Variants in TMEM183A observed in about 807,000 individuals in gnomAD.
TMEM183A encodes the protein chromosome 1 open reading frame 37.
TMEM183A carries 21 observed loss-of-function variants against 46.7 expected under a neutral mutation model. That is an observed-to-expected ratio of 0.45 (90% CI 0.32 to 0.65). TMEM183A has a LOEUF of 0.65. Among genes scored for constraint, TMEM183A ranks in the 30% least tolerant of loss-of-function variants. TMEM183A has a pLI of 0.04. For missense variants in TMEM183A, 331 were observed against 481.9 expected, an observed-to-expected ratio of 0.69 and a Z score of 2.93; for synonymous variants, 165 against 180.2, an observed-to-expected ratio of 0.92 and a Z score of 0.68.
intron 3 of TMEM183A, among the ~76,000 whole-genome samples, chr1:203,012,848 G>C (rs1313372123): frequency 6.6e-6 from 1 of 152,206 alleles, no homozygotes; most frequent in African/African-American, 2.4e-5. Flanking sequence ...TTGCACCTCA[G>C]CCTCCTGAGT....
At chr1:203,022,776 T>C in intron 7 of TMEM183A, 79 bp from the exon 8 acceptor site, 2 of 1,588,922 alleles carry the variant, frequency 1.3e-6, no homozygotes, top group East Asian at 4.5e-5. Flanking sequence ...TAAATTAGTC[T>C]GGACTATTTC....
chr1:203,015,923 G>A, intron 4 of TMEM183A, 37 bp from the exon 5 acceptor site: 1 of 1,601,784 alleles, frequency 6.2e-7, no homozygotes, highest in African/African-American at 1.3e-5. Flanking sequence ...AGGAGAGACA[G>A]GTCACATATT....
At position 203,024,054 on chromosome 1, in the gene TMEM183A, G is replaced by A. The variant is rs976221628; in HGVS notation, c.*1014G>A. ...AAAACCAAGAAAGTTATTTCAGGAA[G>A]GATAGTGACCCTTTCCTTGAACTGT... On this transcript the variant is annotated 3_prime_UTR_variant, in exon 8 of 8. Coordinates refer to ENST00000367242, the MANE Select transcript of TMEM183A (RefSeq NM_138391.6). The A allele has an allele frequency of 2.6e-5, 4 of 152,300 alleles. No homozygotes were observed. In the South Asian group the frequency reaches 8.3e-4, roughly 32 times the overall value. The allele number at this position is 152,300 out of a possible 1,614,324, so 9.4% of individuals were successfully genotyped here.
chr1:203,017,442 C>T (rs1657270345), intron 5 of TMEM183A, among the ~76,000 whole-genome samples: 1 of 152,156 alleles, frequency 6.6e-6, no homozygotes, highest in African/African-American at 2.4e-5. Context: ...TTCTAAAATA[C>T]CCCTATCTTC....
intron 3 of TMEM183A, among the ~76,000 whole-genome samples, chr1:203,009,570 T>A (rs1656347591): frequency 6.6e-6 from 1 of 152,122 alleles, no homozygotes; most frequent in Non-Finnish European, 1.5e-5. Flanking sequence ...CAGCCTTGAC[T>A]TCCCAGGCTT....
Position 203,023,673 on chromosome 1 carries a change from G to T in TMEM183A, c.*633G>T, listed in dbSNP as rs1420648174. On this transcript the variant is annotated 3_prime_UTR_variant, in exon 8 of 8. Coordinates refer to ENST00000367242, the MANE Select transcript of TMEM183A (RefSeq NM_138391.6). ...ATGGTGATGATGACTTTATACCCTT[G>T]GTACTATACTAGGAACTTTACATAG... The T allele has an allele frequency of 6.6e-6, 1 of 152,606 alleles. No homozygotes were observed. The highest frequency in any genetic ancestry group is 1.9e-4 in the East Asian group (1 of 5,194). 9.5% of individuals were successfully genotyped at this position (152,606 alleles called of 1,614,324 possible).
intron 5 of TMEM183A, chr1:203,017,979 C>G (rs1456025883): frequency 4.1e-6 from 4 of 979,670 alleles, no homozygotes; most frequent in Non-Finnish European, 4.9e-6. Flanking sequence ...GGGGCTTATT[C>G]TAGACAGAAT....
At chr1:203,011,952 C>T (rs1183332491) in intron 3 of TMEM183A, among the ~76,000 whole-genome samples, 1 of 147,686 alleles carries the variant, frequency 6.8e-6, no homozygotes, top group Non-Finnish European at 1.5e-5. Flanking sequence ...TTTTTAAAAG[C>T]CTTTTTTTTA....
At chr1:203,017,658 C>T (rs1390575878) in intron 5 of TMEM183A, 82 of 827,928 alleles carry the variant, frequency 9.9e-5, no homozygotes, top group Non-Finnish European at 1.1e-4. Context: ...CCCATGATTG[C>T]GTGGCATTCA....
intron 2 of TMEM183A, among the ~76,000 whole-genome samples, chr1:203,008,415 G>T (rs1258793324): frequency 6.8e-6 from 1 of 146,904 alleles, no homozygotes; most frequent in Non-Finnish European, 1.5e-5. Context: ...GAAAAAAGGA[G>T]TTTCTGCAAC....
chr1:203,013,988 C>G lies in TMEM183A; in HGVS notation c.368-901C>G, dbSNP rs1054294310. Among the ~76,000 whole-genome samples the G allele has an allele frequency of 6.6e-6, 1 of 152,080 alleles. No individual in the cohort carries two copies. Among genetic ancestry groups the G allele is most frequent in the African/African-American group, 2.4e-5 (1 of 41,412 alleles). On this transcript the variant is annotated intron_variant, in intron 3 of 7. Transcript: ENST00000367242. The surrounding 1 kb of genome is among the most constrained non-coding windows in gnomAD (Gnocchi z 4.0). ...CAGGATGGTCTCGATCTCTTGACCT[C>G]GTGATCTGCCTGCCTTGGCCTCCCA...
intron 3 of TMEM183A, among the ~76,000 whole-genome samples, chr1:203,009,135 T>G (rs986369845): frequency 6.6e-6 from 1 of 152,202 alleles, no homozygotes; most frequent in African/African-American, 2.4e-5. Context: ...ATAAAAGGCC[T>G]TTGCATTTCT....
intron 5 of TMEM183A, among the ~76,000 whole-genome samples, chr1:203,018,242 G>C (rs993958151): frequency 6.6e-6 from 1 of 152,154 alleles, no homozygotes; most frequent in Non-Finnish European, 1.5e-5. Flanking sequence ...TAGCCTCTGA[G>C]GTTGACTTAT....
chr1:203,010,757 A>G (rs952515507), intron 3 of TMEM183A, among the ~76,000 whole-genome samples: 1 of 152,248 alleles, frequency 6.6e-6, no homozygotes, highest in Non-Finnish European at 1.5e-5. Flanking sequence ...TGGTTTTAGC[A>G]TATTCACAGA....
chr1:203,011,022 CAG>C (rs1453732825), intron 3 of TMEM183A, among the ~76,000 whole-genome samples: 1 of 152,198 alleles, frequency 6.6e-6, no homozygotes, highest in Non-Finnish European at 1.5e-5. Context: ...ATGCATGTAT[CAG>C]TATCTCATTC....
intron 5 of TMEM183A, chr1:203,017,679 A>C: frequency 3.2e-6 from 3 of 938,488 alleles, no homozygotes; most frequent in Non-Finnish European, 3.8e-6. Context: ...GGGAGTTGCC[A>C]GCATGCCTAA....
chr1:203,012,836 C>T (rs1656796556), intron 3 of TMEM183A, among the ~76,000 whole-genome samples: 1 of 152,146 alleles, frequency 6.6e-6, no homozygotes, highest in Non-Finnish European at 1.5e-5. Flanking sequence ...CTTGATTGAT[C>T]CTTGCACCTC....
At chr1:203,021,186 C>G (rs764192295) in intron 7 of TMEM183A, among the ~76,000 whole-genome samples, 1 of 151,962 alleles carries the variant, frequency 6.6e-6, no homozygotes, top group Non-Finnish European at 1.5e-5. Context: ...GTGTGCACCA[C>G]CACCCCTAGC....
chr1:203,010,138 C>CA (rs3041263), intron 3 of TMEM183A, among the ~76,000 whole-genome samples: 18,427 of 139,678 alleles, frequency 0.13, 1,229 homozygotes, highest in Admixed American at 0.2. Context: ...GACTCTGTCT[C>CA]AAAAAAAAAA....
Sources: gnomAD v4.1 joint callset for allele counts (sites outside exome capture counted in the v4.1 genomes callset) on GRCh38, gnomAD v4.1.1 for gene constraint, Gnocchi (gnomAD v3.1) non-coding constraint, MANE v1.5 for transcripts, NCBI Gene and HGNC (gene_info 2026-07-23, HGNC 2026-07-21) for gene names.